TAB2: variants seen among roughly 807,000 people sequenced by gnomAD.
TAB2 encodes the protein TGF-beta activated kinase 1 (MAP3K7) binding protein 2.
A neutral mutation model predicts 65.0 loss-of-function variants in TAB2; 3 were observed. The observed-to-expected ratio is 0.05, with a 90% CI of 0.02 to 0.12. The LOEUF (loss-of-function observed/expected upper bound fraction) is 0.12, where lower values mean the gene tolerates loss of function less well. Among genes scored for constraint, TAB2 ranks in the 10% least tolerant of loss-of-function variants. TAB2 has a pLI of 1.00. For synonymous variants in TAB2, 298 were observed against 285.1 expected (o/e 1.05, Z -0.46); for missense variants, 623 against 840.3 (o/e 0.74, Z 3.20).
intron 3 of TAB2, among the ~76,000 whole-genome samples, chr6:149,389,645 CAAAAAAAAAA>C (rs370622661): frequency 2.3e-5 from 2 of 86,896 alleles, no homozygotes; most frequent in African/African-American, 8.1e-5. Flanking sequence ...AACTCTGTGT[CAAAAAAAAAA>C]AAAAAAAAAA....
At chr6:149,328,962 G>A (rs1779700813) in intron 1 of TAB2, among the ~76,000 whole-genome samples, 1 of 152,082 alleles carries the variant, frequency 6.6e-6, no homozygotes, top group African/African-American at 2.4e-5. Context: ...TTTAGATAGA[G>A]AGAAACACCA....
intron 1 of TAB2, among the ~76,000 whole-genome samples, chr6:149,264,557 T>C (rs1035809946): frequency 1.3e-5 from 2 of 152,146 alleles, no homozygotes; most frequent in African/African-American, 4.8e-5. Context: ...AGTCAGGGTA[T>C]TTAGGGTGTC....
At position 149,399,094 on chromosome 6, in the gene TAB2, T is replaced by C; in HGVS notation, c.1859-10T>C. On this transcript the variant is annotated splice_polypyrimidine_tract_variant and intron_variant, in intron 5 of 6. Coordinates refer to ENST00000637181, the MANE Select transcript of TAB2 (RefSeq NM_001292034.3). ...TAAGCATTGATATATTTACTTTTTA[T>C]ATATTTCAGGACCACATTTTAACCC... The C allele has an allele frequency of 1.2e-6, 2 of 1,608,902 alleles. No individual in the cohort carries two copies. Among genetic ancestry groups the C allele is most frequent in the South Asian group, 2.2e-5 (2 of 90,874 alleles).
At chr6:149,392,519 C>G (rs1309084791) in intron 3 of TAB2, among the ~76,000 whole-genome samples, 1 of 152,182 alleles carries the variant, frequency 6.6e-6, no homozygotes, top group Non-Finnish European at 1.5e-5. Context: ...TGGCCCTTTC[C>G]TAACTCCTGC....
chr6:149,344,316 C>G (rs1177947564), intron 1 of TAB2, among the ~76,000 whole-genome samples: 1 of 152,118 alleles, frequency 6.6e-6, no homozygotes, highest in East Asian at 1.9e-4. Context: ...ATGTAGAAAT[C>G]AATAAACCTT....
chr6:149,368,246 G>T (rs1432380866), intron 1 of TAB2, among the ~76,000 whole-genome samples: 3 of 152,060 alleles, frequency 2.0e-5, no homozygotes, highest in Non-Finnish European at 1.5e-5. Context: ...AGGGAGTAGT[G>T]GTTGAATGGG....
chr6:149,233,244 A>C (rs747991270), intron 1 of TAB2, among the ~76,000 whole-genome samples: 2 of 152,164 alleles, frequency 1.3e-5, no homozygotes, highest in Non-Finnish European at 2.9e-5. Flanking sequence ...GGCACTTAGC[A>C]CAGTGACCAA....
At chr6:149,250,994 C>T (rs1562388164) in intron 1 of TAB2, among the ~76,000 whole-genome samples, 1 of 152,074 alleles carries the variant, frequency 6.6e-6, no homozygotes, top group African/African-American at 2.4e-5. Context: ...TTGCTGTCCC[C>T]ATAGCAGCCA....
intron 1 of TAB2, among the ~76,000 whole-genome samples, chr6:149,323,448 A>G (rs1203251545): frequency 7.2e-5 from 11 of 152,178 alleles, no homozygotes; most frequent in African/African-American, 2.7e-4. Flanking sequence ...TCTTTTTAAG[A>G]TAATTTCAAT....
intron 1 of TAB2, among the ~76,000 whole-genome samples, chr6:149,327,219 CATT>C (rs916381197): frequency 6.6e-6 from 1 of 152,086 alleles, no homozygotes; most frequent in Non-Finnish European, 1.5e-5. Flanking sequence ...GGGTTGTCAT[CATT>C]ATAAAATATA....
At chr6:149,322,488 C>G (rs1779487070) in intron 1 of TAB2, among the ~76,000 whole-genome samples, 1 of 152,078 alleles carries the variant, frequency 6.6e-6, no homozygotes. Context: ...GTTAGTATTT[C>G]AGAAAGCTGT....
At chr6:149,285,379 A>C (rs1206255736) in intron 1 of TAB2, among the ~76,000 whole-genome samples, 1 of 152,186 alleles carries the variant, frequency 6.6e-6, no homozygotes, top group African/African-American at 2.4e-5. Flanking sequence ...TTGTACATTC[A>C]ACTCAGCCTT....
intron 1 of TAB2, among the ~76,000 whole-genome samples, chr6:149,229,177 A>T (rs1395257464): frequency 6.6e-6 from 1 of 152,202 alleles, no homozygotes; most frequent in East Asian, 1.9e-4. Flanking sequence ...AAACCTAAGG[A>T]TAGGGCAGGG....
At chr6:149,348,128 C>G (rs756011565) in intron 1 of TAB2, among the ~76,000 whole-genome samples, 41 of 152,134 alleles carry the variant, frequency 2.7e-4, no homozygotes, top group Non-Finnish European at 5.4e-4. Flanking sequence ...CACAGTGGCT[C>G]ACACCTGTTA....
intron 1 of TAB2, among the ~76,000 whole-genome samples, chr6:149,253,393 G>A (rs1777899473): frequency 6.6e-6 from 1 of 152,104 alleles, no homozygotes; most frequent in South Asian, 2.1e-4. Flanking sequence ...GACCAAGACG[G>A]GCGGATCACT....
chr6:149,372,706 A>G (rs1386629339), intron 2 of TAB2, among the ~76,000 whole-genome samples: 3 of 152,210 alleles, frequency 2.0e-5, no homozygotes, highest in African/African-American at 7.2e-5. Context: ...AATTTAGGGT[A>G]TCCAGGTAAT....
intron 1 of TAB2, among the ~76,000 whole-genome samples, chr6:149,344,418 G>A (rs1017131409): frequency 6.6e-6 from 1 of 152,100 alleles, no homozygotes; most frequent in African/African-American, 2.4e-5. Context: ...TCAGCTTTGT[G>A]GAGAAGGTAA....
chr6:149,388,297 A>T (rs764085083), intron 3 of TAB2, among the ~76,000 whole-genome samples: 5 of 152,196 alleles, frequency 3.3e-5, no homozygotes, highest in Non-Finnish European at 7.3e-5. Flanking sequence ...CTCTGCCTCA[A>T]CGCATGTTAC....
At chr6:149,329,070 G>A (rs1023186614) in intron 1 of TAB2, among the ~76,000 whole-genome samples, 7 of 152,050 alleles carry the variant, frequency 4.6e-5, no homozygotes, top group Non-Finnish European at 8.8e-5. Flanking sequence ...CTGGAAGTGA[G>A]GTGGAAAATT....
Sources: allele counts gnomAD v4.1 joint callset (sites outside exome capture counted in the v4.1 genomes callset), GRCh38; gene constraint gnomAD v4.1.1; transcripts MANE v1.5; gene names NCBI Gene and HGNC (gene_info 2026-07-23, HGNC 2026-07-21).